The following MUSK variants were observed in gnomAD, a reference collection of about 807,000 sequenced individuals.
MUSK encodes muscle associated receptor tyrosine kinase.
In MUSK, 55 loss-of-function variants were observed where a neutral mutation model predicts 88.7. That is an observed-to-expected ratio of 0.62 (90% CI 0.50 to 0.78). The LOEUF is 0.78. Among genes scored for constraint, MUSK ranks in the 30% least tolerant of loss-of-function variants. The pLI is 0.00. For missense variants in MUSK, 1,015 were observed against 1,074.3 expected, an observed-to-expected ratio of 0.94 and a Z score of 0.77; for synonymous variants, 387 against 391.9, an observed-to-expected ratio of 0.99 and a Z score of 0.15.
chr9:110,746,521 C>T (rs1313785932), intron 6 of MUSK, among the ~76,000 whole-genome samples: 1 of 151,932 alleles, frequency 6.6e-6, no homozygotes, highest in East Asian at 1.9e-4. Context: ...ACTATGCAAC[C>T]TTGTAAAATG....
At chr9:110,779,825 G>A (rs999347193) in intron 11 of MUSK, among the ~76,000 whole-genome samples, 11 of 151,870 alleles carry the variant, frequency 7.2e-5, no homozygotes, top group Non-Finnish European at 1.3e-4. Flanking sequence ...ATAATAATTT[G>A]TACTTTACAT....
At position 110,790,163 on chromosome 9, in the gene MUSK, T is replaced by C. The variant is rs554796522; in HGVS notation, c.1927+2325T>C. Reference sequence around the variant, plus strand: ...TAAATAGGTGAAAGTGAGCATGTCATATGCATTAAGTCAAGTGAGAGGAGG... The same window carrying C: ...TAAATAGGTGAAAGTGAGCATGTCACATGCATTAAGTCAAGTGAGAGGAGG... On this transcript the variant is annotated intron_variant, in intron 14 of 14. Transcript: ENST00000374448. 3.3e-5 allele frequency among the ~76,000 whole-genome samples: 5 copies of C among 152,294 alleles called. No homozygotes were observed. The South Asian group carries it at 1.0e-3, about 32-fold the overall frequency.
In MUSK at chr9:110,803,065, G is replaced by A. The variant is rs1202478079; in HGVS notation, c.*2077G>A. ...CCATGGCTTATTTTAGATGGTTCAT[G>A]TATGCTCTGCAAAATTCAAAGACAG... On this transcript the variant is annotated 3_prime_UTR_variant, in exon 15 of 15. Transcript: ENST00000374448. Among the ~76,000 whole-genome samples the A allele has an allele frequency of 1.3e-5, 2 of 152,222 alleles. No homozygotes were observed. Among genetic ancestry groups the A allele is most frequent in the African/African-American group, 2.4e-5 (1 of 41,468 alleles).
intron 9 of MUSK, chr9:110,775,232 C>A: frequency 6.4e-6 from 1 of 156,298 alleles, no homozygotes. Context: ...GGATTCCGTG[C>A]CTCAAAGTAA....
intron 14 of MUSK, among the ~76,000 whole-genome samples, chr9:110,798,087 C>A (rs1413541051): frequency 6.6e-6 from 1 of 152,126 alleles, no homozygotes; most frequent in Non-Finnish European, 1.5e-5. Context: ...AACACAGGTT[C>A]TATTTTTTAT....
In MUSK at chr9:110,775,820, G is replaced by C. The variant is rs1212909353; in HGVS notation, c.1217G>C (p.Cys406Ser). ...EYCLAVKELF[C>S]AKEWLVMEEK... ...TGCTTGGCAGTAAAGGAGCTCTTCTGCGCAAAAGAATGGCTGGTAATGGAA... is the reference window on the plus strand; with the variant it reads ...TGCTTGGCAGTAAAGGAGCTCTTCTCCGCAAAAGAATGGCTGGTAATGGAA... Residue 406 changes from cysteine to serine, a missense_variant, in exon 10 of 15, where the codon TGC (cysteine) becomes TCC (serine). Cys to Ser is a moderately radical substitution (Grantham distance 112). Transcript: ENST00000374448. The C allele has an allele frequency of 6.2e-7, 1 of 1,613,880 alleles. No individual in the cohort carries two copies. The highest frequency in any genetic ancestry group is 1.3e-5 in the African/African-American group (1 of 75,036).
rs2077657079 is a variant in MUSK at position 110,775,707 on chromosome 9, AAC to A, written c.1185-77_1185-76del. 3.0e-6 allele frequency: 4 copies of A among 1,335,586 alleles called. No individual in the cohort carries two copies. The East Asian group carries it at 9.2e-5, about 31-fold the overall frequency. 82.7% of individuals were successfully genotyped at this position (1,335,586 alleles called of 1,614,324 possible). ...CAATTTACCATGATGATGTCTTGAA[AAC>A]ACAGAATTTAGGCTCTGCCACAAAT... On this transcript the variant is annotated intron_variant, in intron 9 of 14. Coordinates refer to ENST00000374448, the MANE Select transcript of MUSK (RefSeq NM_005592.4).
intron 5 of MUSK, among the ~76,000 whole-genome samples, chr9:110,711,106 G>A (rs138306873): frequency 3.2e-4 from 48 of 152,230 alleles, no homozygotes; most frequent in African/African-American, 9.4e-4. Context: ...TTGTGGGGTC[G>A]GGGGAGAGGG....
intron 5 of MUSK, among the ~76,000 whole-genome samples, chr9:110,718,564 T>C (rs1029734273): frequency 1.3e-5 from 2 of 151,966 alleles, no homozygotes; most frequent in African/African-American, 2.4e-5. Context: ...GGACAAAGCC[T>C]CCAAGAAGTT....
At chr9:110,711,126 A>G (rs1208241376) in intron 5 of MUSK, among the ~76,000 whole-genome samples, 15 of 152,200 alleles carry the variant, frequency 9.9e-5, no homozygotes, top group African/African-American at 2.4e-5. Context: ...GGAGGGATAG[A>G]TAGCATTAGG....
At chr9:110,720,195 A>C (rs1276965700) in intron 5 of MUSK, among the ~76,000 whole-genome samples, 1 of 152,052 alleles carries the variant, frequency 6.6e-6, no homozygotes, top group African/African-American at 2.4e-5. Context: ...TGGTGAAACA[A>C]GAACAATCTA....
rs1588054955 is a variant in MUSK at position 110,801,054 on chromosome 9, C to T, written c.*66C>T. ...GACTCTGTGAGCCAGGGGAATCCTA[C>T]ACCAGAGGCCCAACAAGACCCACAT... On this transcript the variant is annotated 3_prime_UTR_variant, in exon 15 of 15. Coordinates refer to ENST00000374448, the MANE Select transcript of MUSK (RefSeq NM_005592.4). 2 of 1,352,866 alleles carry T rather than the reference C, an allele frequency of 1.5e-6. No individual in the cohort carries two copies. The highest frequency in any genetic ancestry group is 2.4e-5 in the East Asian group (1 of 40,986). The allele number at this position is 1,352,866 out of a possible 1,614,324, so 83.8% of individuals were successfully genotyped here. A position where few individuals can be genotyped will look rare whatever the true frequency, so the allele number is the denominator to read the frequency against.
chr9:110,749,699 G>A (rs1433135019), intron 7 of MUSK, among the ~76,000 whole-genome samples: 2 of 152,184 alleles, frequency 1.3e-5, no homozygotes, highest in Admixed American at 1.3e-4. Context: ...AGTCATGAAG[G>A]TCTGAACAGC....
rs1564300498 is a variant in MUSK at position 110,800,491 on chromosome 9, A to G, written c.2113A>G (p.Ile705Val). The G allele has an allele frequency of 1.9e-6, 3 of 1,613,816 alleles. No individual in the cohort carries two copies. Among genetic ancestry groups the G allele is most frequent in the Admixed American group, 1.7e-5 (1 of 60,014 alleles). ...CCTCTCCTGTGCTGAGCAGCTTTGCATTGCCAGGCAGGTGGCAGCTGGCAT... is the reference window on the plus strand; with the variant it reads ...CCTCTCCTGTGCTGAGCAGCTTTGCGTTGCCAGGCAGGTGGCAGCTGGCAT... ...PPLSCAEQLC[I>V]ARQVAAGMAY... The change falls in exon 15 of 15, where the codon ATT becomes GTT. Residue 705 changes from isoleucine to valine, a missense_variant. Ile to Val is a conservative substitution (Grantham distance 29, BLOSUM62 3). Coordinates refer to ENST00000374448, the MANE Select transcript of MUSK (RefSeq NM_005592.4).
At chr9:110,769,139 T>C (rs1382381383) in intron 9 of MUSK, among the ~76,000 whole-genome samples, 7 of 152,140 alleles carry the variant, frequency 4.6e-5, no homozygotes, top group Non-Finnish European at 1.5e-5. Context: ...TAGATAGACA[T>C]TGTTATTCCT....
intron 8 of MUSK, among the ~76,000 whole-genome samples, chr9:110,764,042 C>T (rs2077438757): frequency 6.6e-6 from 1 of 152,088 alleles, no homozygotes; most frequent in South Asian, 2.1e-4. Context: ...GGGAACTTTT[C>T]TGAAAGAGAA....
intron 14 of MUSK, among the ~76,000 whole-genome samples, chr9:110,788,488 T>G (rs916168499): frequency 6.6e-6 from 1 of 151,852 alleles, no homozygotes; most frequent in African/African-American, 2.4e-5. Flanking sequence ...AAAAATTAGC[T>G]GGGTGTGGTG....
At chr9:110,745,360 T>A (rs1294076738) in intron 6 of MUSK, among the ~76,000 whole-genome samples, 1 of 152,300 alleles carries the variant, frequency 6.6e-6, no homozygotes, top group East Asian at 1.9e-4. Context: ...TTCAAAGTTG[T>A]CTCTAAGGCA....
chr9:110,806,427 A>G lies in MUSK; in HGVS notation c.*5439A>G, dbSNP rs935154490. ...TACACCTATTTCTACGCTGTCAACT[A>G]TATGTTCATTTCTATGAATCTGTAA... On this transcript the variant is annotated 3_prime_UTR_variant, in exon 15 of 15. Transcript: ENST00000374448. Among the ~76,000 whole-genome samples, 1 of 152,160 alleles carries G rather than the reference A, an allele frequency of 6.6e-6. No homozygotes were observed. The highest frequency in any genetic ancestry group is 2.4e-5 in the African/African-American group (1 of 41,430).
Sources: allele counts gnomAD v4.1 joint callset (sites outside exome capture counted in the v4.1 genomes callset), GRCh38; gene constraint gnomAD v4.1.1; transcripts MANE v1.5; gene names NCBI Gene and HGNC (gene_info 2026-07-23, HGNC 2026-07-21).